Variants in KCNAB2 observed in about 807,000 individuals in gnomAD.
The protein encoded by KCNAB2 is potassium voltage-gated channel subfamily A regulatory beta subunit 2.
Under a neutral mutation model 63.6 loss-of-function variants are expected in KCNAB2, and 29 were observed. The ratio of observed to expected loss-of-function variants is 0.46; its 90% CI spans 0.34 to 0.62. The LOEUF (loss-of-function observed/expected upper bound fraction) is 0.62, where lower values mean the gene tolerates loss of function less well. KCNAB2 is among the 20% of genes least tolerant of loss of function. The pLI is 0.01. For synonymous variants in KCNAB2, 222 were observed against 224.2 expected (o/e 0.99, Z 0.09); for missense variants, 359 against 563.9 (o/e 0.64, Z 3.68).
chr1:5,998,232 G>C (rs1287931834), intron 1 of KCNAB2, among the ~76,000 whole-genome samples: 1 of 152,238 alleles, frequency 6.6e-6, no homozygotes, highest in South Asian at 2.1e-4. Context: ...GAGGGCATCA[G>C]GGCCAAGGCC....
chr1:6,017,839 G>A (rs1167119830), intron 1 of KCNAB2, among the ~76,000 whole-genome samples: 4 of 151,776 alleles, frequency 2.6e-5, no homozygotes, highest in Non-Finnish European at 4.4e-5. Flanking sequence ...ACAGGCATAA[G>A]CCACCACACC....
At chr1:6,046,606 C>T (rs960567090) in intron 1 of KCNAB2, among the ~76,000 whole-genome samples, 3 of 152,200 alleles carry the variant, frequency 2.0e-5, no homozygotes, top group Non-Finnish European at 4.4e-5. Flanking sequence ...GCAGGAAGCA[C>T]GTGCTGAGGG....
chr1:5,997,364 C>T (rs1279289196), intron 1 of KCNAB2, among the ~76,000 whole-genome samples: 1 of 152,046 alleles, frequency 6.6e-6, no homozygotes, highest in Non-Finnish European at 1.5e-5. Flanking sequence ...GGGGAGAGCC[C>T]GTTGCCCTGG....
At chr1:6,039,500 G>C (rs1211535524) in intron 1 of KCNAB2, among the ~76,000 whole-genome samples, 1 of 152,114 alleles carries the variant, frequency 6.6e-6, no homozygotes, top group Non-Finnish European at 1.5e-5. Flanking sequence ...TGGACGGCTG[G>C]ATATTGGCAG....
chr1:6,000,890 G>C (rs1303114619), intron 1 of KCNAB2, among the ~76,000 whole-genome samples: 1 of 152,150 alleles, frequency 6.6e-6, no homozygotes, highest in Non-Finnish European at 1.5e-5. Flanking sequence ...GCCAACATCA[G>C]AGCGGGAGGA....
At chr1:6,021,190 G>T (rs1163796088) in intron 1 of KCNAB2, among the ~76,000 whole-genome samples, 1 of 151,994 alleles carries the variant, frequency 6.6e-6, no homozygotes, top group Non-Finnish European at 1.5e-5. Context: ...TAGAGACAGG[G>T]TTTCTCCATG....
rs181889889 is a variant in KCNAB2 at position 6,099,458 on chromosome 1, G to A, written c.*884G>A. The stretch of plus-strand genomic sequence containing the variant: ...CTGGCCACCCCTCTGTCCTGGCCCC[G>A]GAAGGCCCTGTGGTCATGTGCTCCT... On this transcript the variant is annotated 3_prime_UTR_variant, in exon 16 of 16. Coordinates refer to ENST00000378083, the MANE Select transcript of KCNAB2 (RefSeq NM_001199862.2). The A allele has an allele frequency of 8.9e-5, 20 of 225,694 alleles. No individual in the cohort carries two copies. In the East Asian group the frequency reaches 1.3e-3, roughly 15 times the overall value. 14.0% of individuals were successfully genotyped at this position (225,694 alleles called of 1,614,324 possible).
chr1:6,036,123 A>T (rs1418671044), intron 1 of KCNAB2: 1 of 152,282 alleles, frequency 6.6e-6, no homozygotes, highest in Non-Finnish European at 1.5e-5. Flanking sequence ...GAAGAAGAGG[A>T]ATCGCAGATA....
chr1:6,042,157 A>G (rs1450588464), upstream of KCNAB2, among the ~76,000 whole-genome samples: 1 of 152,170 alleles, frequency 6.6e-6, no homozygotes, highest in Non-Finnish European at 1.5e-5. Context: ...AGCCAAATCT[A>G]CCGTTAAAGC....
At chr1:6,007,385 C>T (rs1245684018) in intron 1 of KCNAB2, 1 of 152,316 alleles carries the variant, frequency 6.6e-6, no homozygotes, top group Non-Finnish European at 1.5e-5. Flanking sequence ...CTGGCCTCTT[C>T]TTCCTTCTCC....
upstream of KCNAB2, chr1:6,041,646 G>A (rs2100463462): frequency 1.7e-6 from 1 of 596,148 alleles, no homozygotes; most frequent in South Asian, 2.0e-5. Flanking sequence ...TGGCGCTGCT[G>A]CAGAGCACTT....
At chr1:6,029,225 G>T (rs988859594) in intron 1 of KCNAB2, among the ~76,000 whole-genome samples, 4 of 150,732 alleles carry the variant, frequency 2.7e-5, no homozygotes, top group African/African-American at 9.8e-5. Flanking sequence ...AGAGGCTGCA[G>T]TGAGCCGAGA....
rs56828069 is a variant in KCNAB2, at chr1:6,001,296, C to CCACACA, written c.-53+8538_-53+8543dup. On this transcript the variant is annotated intron_variant, in intron 1 of 16. Coordinates refer to the KCNAB2 transcript ENST00000341524. ...GAGCTGCTCCAGCTGCATGTGATCACCACACACACACACACACACACACAC... is the reference window on the plus strand; with the variant it reads ...GAGCTGCTCCAGCTGCATGTGATCACCACACACACACACACACACACACACACACAC... 6.3e-4 allele frequency among the ~76,000 whole-genome samples: 93 copies of CCACACA among 147,070 alleles called. 2 individuals carry two copies. The highest frequency in any genetic ancestry group is 2.6e-3 in the Admixed American group (39 of 14,778).
At chr1:6,058,980 C>T (rs1446605771) in intron 2 of KCNAB2, among the ~76,000 whole-genome samples, 1 of 152,112 alleles carries the variant, frequency 6.6e-6, no homozygotes, top group African/African-American at 2.4e-5. Context: ...CATCCGTCTG[C>T]AGCCCCAGCC....
chr1:6,077,005 G>A (rs1663723335), intron 4 of KCNAB2, among the ~76,000 whole-genome samples: 1 of 152,116 alleles, frequency 6.6e-6, no homozygotes, highest in South Asian at 2.1e-4. Flanking sequence ...CCAATATGGT[G>A]AAACCCCATC....
At chr1:6,080,430 G>A (rs1335220804) in intron 4 of KCNAB2, among the ~76,000 whole-genome samples, 1 of 152,194 alleles carries the variant, frequency 6.6e-6, no homozygotes, top group Non-Finnish European at 1.5e-5. Context: ...TGCATTTGAT[G>A]CATGGATGCA....
rs1207254517 is a variant in KCNAB2 at position 6,096,802 on chromosome 1, G to GCC, written c.1069+49_1069+50dup. ...GGGCCAGTGCCCCTGGGGAGAACCT[G>GCC]CCCCAGCTGGCCGTAGGTAACAGGG... is the stretch of plus-strand genomic sequence containing the variant. On this transcript the variant is annotated intron_variant, in intron 14 of 15. Coordinates refer to ENST00000378083, the MANE Select transcript of KCNAB2 (RefSeq NM_001199862.2). The surrounding 1 kb of genome is among the most constrained non-coding windows in gnomAD (Gnocchi z 5.9). The GCC allele has an allele frequency of 1.3e-6, 2 of 1,505,484 alleles. No individual in the cohort carries two copies. Among genetic ancestry groups the GCC allele is most frequent in the Non-Finnish European group, 1.8e-6 (2 of 1,119,792 alleles). The allele number at this position is 1,505,484 out of a possible 1,614,324, so 93.3% of individuals were successfully genotyped here.
chr1:6,038,546 C>G (rs988251814), intron 1 of KCNAB2, among the ~76,000 whole-genome samples: 1 of 152,126 alleles, frequency 6.6e-6, no homozygotes, highest in Non-Finnish European at 1.5e-5. Context: ...AACTCCTGTG[C>G]TCAAGCAATC....
intron 9 of KCNAB2, 37 bp downstream of exon 9, chr1:6,090,512 G>A: frequency 6.5e-7 from 1 of 1,547,154 alleles, no homozygotes; most frequent in Non-Finnish European, 8.9e-7. Flanking sequence ...GTTAGGCCTG[G>A]GCGGGGTCTG....
Sources: allele counts gnomAD v4.1 joint callset (sites outside exome capture counted in the v4.1 genomes callset), GRCh38; gene constraint gnomAD v4.1.1; non-coding constraint Gnocchi (gnomAD v3.1); transcripts MANE v1.5; gene names NCBI Gene and HGNC (gene_info 2026-07-23, HGNC 2026-07-21).